Variants in WDR49 observed in about 807,000 individuals in gnomAD.
WDR49 encodes WD repeat domain 49.
In WDR49, 107 loss-of-function variants were observed where a neutral mutation model predicts 119.5. That is an observed-to-expected ratio of 0.90 (90% CI 0.77 to 1.05). WDR49 has a LOEUF of 1.05. Ranked by LOEUF, WDR49 falls within the 50% of genes least tolerant of loss-of-function variation. The pLI, the probability that WDR49 is intolerant of heterozygous loss-of-function variation, is 0.00. For missense variants in WDR49, 1,240 were observed against 1,220.5 expected, an observed-to-expected ratio of 1.02 and a Z score of -0.24; for synonymous variants, 425 against 418.8, an observed-to-expected ratio of 1.01 and a Z score of -0.18.
intron 16 of WDR49, among the ~76,000 whole-genome samples, chr3:167,507,040 C>G (rs1217341536): frequency 6.6e-6 from 1 of 152,092 alleles, no homozygotes. Context: ...AATTACCTGG[C>G]CACAGTTGTA....
intron 5 of WDR49, among the ~76,000 whole-genome samples, chr3:167,616,037 G>C (rs1019110328): frequency 1.1e-4 from 17 of 152,346 alleles, no homozygotes; most frequent in African/African-American, 4.1e-4. Flanking sequence ...TCGGATGTTA[G>C]AAGTTAAGTT....
chr3:167,605,016 GT>G (rs1715981668), intron 5 of WDR49, among the ~76,000 whole-genome samples: 1 of 134,404 alleles, frequency 7.4e-6, no homozygotes, highest in Non-Finnish European at 1.5e-5. Flanking sequence ...TTTGCTTTGT[GT>G]GTGTGTGTGT....
chr3:167,598,982 T>C (rs1339652690), intron 7 of WDR49, among the ~76,000 whole-genome samples: 2 of 152,052 alleles, frequency 1.3e-5, no homozygotes, highest in Non-Finnish European at 2.9e-5. Flanking sequence ...GATGGTGGAG[T>C]GACACAGGCA....
At position 167,527,899 on chromosome 3, in the gene WDR49, A is replaced by G. The variant is rs1752693248; in HGVS notation, c.2525T>C (p.Leu842Ser). ...SLEMCEPGGQ[L>S]LIISSSADCS... ...GTCTGCAGAGGAGGAGATAATCAGT[A>G]ACTGACCACCTGGCTCACACATCTC... Residue 842 changes from leucine to serine, a missense_variant, in exon 15 of 19, where the codon TTA (leucine) becomes TCA (serine). Leu to Ser is a moderately radical substitution (Grantham distance 145). Transcript: ENST00000682715. The G allele has an allele frequency of 6.2e-7, 1 of 1,613,312 alleles. No homozygotes were observed. The highest frequency in any genetic ancestry group is 8.5e-7 in the Non-Finnish European group (1 of 1,179,528).
At chr3:167,653,609 C>T in intron 1 of WDR49, 110 bp from the exon 2 acceptor site, 1 of 573,188 alleles carries the variant, frequency 1.7e-6, no homozygotes, top group East Asian at 3.2e-5. Flanking sequence ...AAATGAAAGC[C>T]CTCAACCCTC....
At chr3:167,603,236 T>A (rs754822664) in intron 6 of WDR49, among the ~76,000 whole-genome samples, 1 of 151,940 alleles carries the variant, frequency 6.6e-6, no homozygotes, top group Non-Finnish European at 1.5e-5. Flanking sequence ...TAGGGCCAGT[T>A]GTGGAGCTGA....
At chr3:167,504,138 C>G (rs1751683231) in intron 17 of WDR49, among the ~76,000 whole-genome samples, 1 of 152,126 alleles carries the variant, frequency 6.6e-6, no homozygotes, top group South Asian at 2.1e-4. Flanking sequence ...CATGCAGAGT[C>G]CCCACTGGGG....
chr3:167,584,230 T>C (rs1714696070), intron 7 of WDR49, among the ~76,000 whole-genome samples: 1 of 152,084 alleles, frequency 6.6e-6, no homozygotes, highest in African/African-American at 2.4e-5. Flanking sequence ...ATGATAAGAA[T>C]GCCTCCTAAA....
rs187225411 is a variant in WDR49, at chr3:167,618,393, C to T, written c.958+2036G>A. On this transcript the variant is annotated intron_variant, in intron 5 of 18. Coordinates refer to ENST00000682715, the MANE Select transcript of WDR49 (RefSeq NM_001366157.1). ...AAATGCCTAAGACAGTTTTAAGACA[C>T]ATAAAAGATCAATAAATAATTGTTG... 1.1e-4 allele frequency among the ~76,000 whole-genome samples: 16 copies of T among 152,240 alleles called. No homozygotes were observed. The East Asian group carries it at 3.1e-3, about 29-fold the overall frequency.
intron 18 of WDR49, among the ~76,000 whole-genome samples, chr3:167,491,464 C>T (rs987521022): frequency 2.6e-5 from 4 of 152,128 alleles, no homozygotes; most frequent in Admixed American, 2.6e-4. Context: ...ATGACTTCCT[C>T]ATCTACCTAC....
intron 10 of WDR49, among the ~76,000 whole-genome samples, chr3:167,544,168 G>C (rs1204430136): frequency 6.6e-6 from 1 of 151,714 alleles, no homozygotes; most frequent in Non-Finnish European, 1.5e-5. Flanking sequence ...AATCATACCT[G>C]ACACAAACAA....
At chr3:167,587,479 C>T (rs1383920945) in intron 7 of WDR49, among the ~76,000 whole-genome samples, 1 of 151,960 alleles carries the variant, frequency 6.6e-6, no homozygotes, top group African/African-American at 2.4e-5. Context: ...AAGACACTGA[C>T]CTTTTTTTTC....
intron 7 of WDR49, among the ~76,000 whole-genome samples, chr3:167,596,584 A>G (rs1174319438): frequency 6.7e-6 from 1 of 149,700 alleles, no homozygotes; most frequent in Non-Finnish European, 1.5e-5. Context: ...CATGGATGAA[A>G]TTGGAAATCA....
At chr3:167,528,971 G>C (rs1752743327) in intron 14 of WDR49, 81 bp downstream of exon 14, 5 of 1,217,380 alleles carry the variant, frequency 4.1e-6, no homozygotes, top group African/African-American at 1.5e-5. Flanking sequence ...TTAGGAGACA[G>C]ACAAGGCTTG....
chr3:167,648,816 T>C (rs908185405), intron 2 of WDR49, among the ~76,000 whole-genome samples: 2 of 152,176 alleles, frequency 1.3e-5, no homozygotes, highest in African/African-American at 4.8e-5. Flanking sequence ...ACCTGAATCC[T>C]TGCTTGCAAC....
intron 16 of WDR49, among the ~76,000 whole-genome samples, chr3:167,521,012 G>A (rs2108230691): frequency 6.6e-6 from 1 of 152,188 alleles, no homozygotes; most frequent in East Asian, 1.9e-4. Flanking sequence ...AACAATGAGA[G>A]GGACACAGCA....
intron 8 of WDR49, among the ~76,000 whole-genome samples, chr3:167,567,549 G>A (rs1713680338): frequency 6.6e-6 from 1 of 152,172 alleles, no homozygotes; most frequent in South Asian, 2.1e-4. Context: ...CTATAACAAT[G>A]ATGGCATCTT....
chr3:167,528,143 G>A, intron 14 of WDR49, 126 bp from the exon 15 acceptor site: 1 of 698,772 alleles, frequency 1.4e-6, no homozygotes, highest in East Asian at 2.9e-5. Context: ...AAATGCAAAA[G>A]AAAAGTTCAT....
At chr3:167,615,459 AAAAG>A (rs1160736691) in intron 5 of WDR49, among the ~76,000 whole-genome samples, 91 of 151,312 alleles carry the variant, frequency 6.0e-4, no homozygotes, top group Middle Eastern at 3.4e-3. Context: ...AAAAAAAAAA[AAAAG>A]AAAGAAAGAA....
Sources: allele counts gnomAD v4.1 joint callset (sites outside exome capture counted in the v4.1 genomes callset), GRCh38; gene constraint gnomAD v4.1.1; transcripts MANE v1.5; gene names NCBI Gene and HGNC (gene_info 2026-07-23, HGNC 2026-07-21).